CENPK: variants seen among roughly 807,000 people sequenced by gnomAD.
CENPK encodes the protein SoxLZ/Sox6-binding protein Solt.
Under a neutral mutation model 40.9 loss-of-function variants are expected in CENPK, and 46 were observed. The ratio of observed to expected loss-of-function variants is 1.13; its 90% CI spans 0.89 to 1.44. CENPK has a LOEUF of 1.44. CENPK is among the 40% of genes most tolerant of loss of function. The probability of loss-of-function intolerance (pLI) is 0.00; values close to 1 mark genes in which losing one functional copy is unlikely to be tolerated. For synonymous variants in CENPK, 107 were observed against 104.4 expected (o/e 1.02, Z -0.15); for missense variants, 288 against 303.5 (o/e 0.95, Z 0.38).
chr5:65,509,081 C>A, the CENPK span, among the ~76,000 whole-genome samples: 1 of 152,190 alleles, frequency 6.6e-6, no homozygotes, highest in Admixed American at 6.5e-5. Flanking sequence ...CCACTTTAAA[C>A]ATGGGCAAAA....
chr5:65,535,753 GTTC>G (rs1014074214), intron 6 of CENPK, among the ~76,000 whole-genome samples: 2 of 152,162 alleles, frequency 1.3e-5, no homozygotes, highest in Non-Finnish European at 2.9e-5. Context: ...GAGAACAGCA[GTTC>G]TTCTGAGTCC....
intron 2 of CENPK, chr5:65,560,893 C>G (rs527707896): frequency 6.6e-6 from 1 of 152,074 alleles, no homozygotes. Context: ...ATTATGTTTA[C>G]TGGCACATTA....
downstream of CENPK, among the ~76,000 whole-genome samples, chr5:65,513,838 C>T (rs1203611153): frequency 6.6e-6 from 1 of 152,144 alleles, no homozygotes; most frequent in African/African-American, 2.4e-5. Context: ...ATGTTGTTAG[C>T]TGTAGGTTTT....
chr5:65,508,955 A>G, the CENPK span, among the ~76,000 whole-genome samples: 4 of 152,326 alleles, frequency 2.6e-5, no homozygotes, highest in South Asian at 2.1e-4. Context: ...TCAAGATGCC[A>G]TTAAGAAAAT....
intron 10 of CENPK, among the ~76,000 whole-genome samples, chr5:65,519,860 C>T (rs1743396626): frequency 6.6e-6 from 1 of 152,072 alleles, no homozygotes; most frequent in Non-Finnish European, 1.5e-5. Context: ...GTACAAACAG[C>T]TTATTTTAGT....
chr5:65,506,024 T>C, the CENPK span, among the ~76,000 whole-genome samples: 12 of 152,246 alleles, frequency 7.9e-5, no homozygotes, highest in Non-Finnish European at 1.3e-4. Context: ...CAATATGGAA[T>C]CTGTAATTAA....
At chr5:65,549,110 T>G (rs9647527) in intron 5 of CENPK, among the ~76,000 whole-genome samples, 11,283 of 152,254 alleles carry the variant, frequency 0.074, 428 homozygotes, top group East Asian at 0.096. Context: ...GCAGAACAGA[T>G]GTTGCATCAA....
At chr5:65,543,492 T>C (rs1748339506) in intron 5 of CENPK, among the ~76,000 whole-genome samples, 1 of 152,200 alleles carries the variant, frequency 6.6e-6, no homozygotes, top group Non-Finnish European at 1.5e-5. Context: ...ATTTTTATCA[T>C]CATTGGTTTT....
intron 2 of CENPK, among the ~76,000 whole-genome samples, chr5:65,558,403 A>C (rs1427412047): frequency 1.3e-5 from 2 of 152,194 alleles, no homozygotes; most frequent in African/African-American, 4.8e-5. Flanking sequence ...ATCCATTTTA[A>C]TGGGAGGGTC....
the CENPK span, among the ~76,000 whole-genome samples, chr5:65,507,141 G>A: frequency 6.6e-6 from 1 of 152,088 alleles, no homozygotes; most frequent in Non-Finnish European, 1.5e-5. Flanking sequence ...GCCATGGCAA[G>A]CTCTCCTTAT....
intron 6 of CENPK, among the ~76,000 whole-genome samples, chr5:65,538,062 T>C (rs1747278989): frequency 6.6e-6 from 1 of 152,212 alleles, no homozygotes; most frequent in Non-Finnish European, 1.5e-5. Flanking sequence ...TTTTTGTACT[T>C]CTTTACCAAC....
intron 6 of CENPK, among the ~76,000 whole-genome samples, chr5:65,540,335 A>C (rs1288856554): frequency 6.6e-6 from 1 of 152,226 alleles, no homozygotes; most frequent in Non-Finnish European, 1.5e-5. Flanking sequence ...GCAGGAATGC[A>C]ATTCAGCTCT....
At position 65,529,022 on chromosome 5, in the gene CENPK, C is replaced by T. The variant is rs377588006; in HGVS notation, c.372-5G>A. 24 of 1,599,666 alleles carry T rather than the reference C, an allele frequency of 1.5e-5. No individual in the cohort carries two copies. The highest frequency in any genetic ancestry group is 4.0e-5 in the African/African-American group (3 of 74,464). ...TCATCCAACCACCGTTGTTCCCTTT[C>T]GACATGGAAAAACAATACAAGCAAT... On this transcript the variant is annotated splice_region_variant and splice_polypyrimidine_tract_variant and intron_variant, in intron 7 of 10. Coordinates refer to ENST00000396679, the MANE Select transcript of CENPK (RefSeq NM_022145.5).
chr5:65,513,254 TCTAA>T (rs539283223), downstream of CENPK, among the ~76,000 whole-genome samples: 56 of 152,338 alleles, frequency 3.7e-4, no homozygotes, highest in Admixed American at 7.2e-4. Flanking sequence ...GTGTCAGTCC[TCTAA>T]CTTTGTTCTT....
chr5:65,548,121 T>C (rs189913264), intron 5 of CENPK, among the ~76,000 whole-genome samples: 20 of 152,228 alleles, frequency 1.3e-4, no homozygotes. Flanking sequence ...CCAAATAGAA[T>C]ATCATATGCA....
rs760425966 is a variant in CENPK, at chr5:65,541,270, C to T, written c.288+1532G>A. Reference sequence around the variant, plus strand: ...GATTTATAGCCAGTCAGAATACAGGCGACAATCCATTACTGGCAACTGGTA... The same window carrying T: ...GATTTATAGCCAGTCAGAATACAGGTGACAATCCATTACTGGCAACTGGTA... On this transcript the variant is annotated intron_variant, in intron 6 of 10. Transcript: ENST00000396679. 23 of 420,694 alleles carry T rather than the reference C, an allele frequency of 5.5e-5. No homozygotes were observed. The East Asian group carries it at 1.3e-3, about 24-fold the overall frequency. 26.1% of individuals were successfully genotyped at this position (420,694 alleles called of 1,614,324 possible). A position where few individuals can be genotyped will look rare whatever the true frequency, so the allele number is the denominator to read the frequency against.
At chr5:65,514,421 C>T (rs7725593), downstream of CENPK, among the ~76,000 whole-genome samples, 21 of 151,560 alleles carry the variant, frequency 1.4e-4, no homozygotes, top group African/African-American at 4.9e-4. Context: ...CGTGCCACCA[C>T]GCCTGGCTAA....
chr5:65,548,653 T>C (rs1327991054), intron 5 of CENPK, among the ~76,000 whole-genome samples: 1 of 152,156 alleles, frequency 6.6e-6, no homozygotes, highest in Non-Finnish European at 1.5e-5. Context: ...ATATTCTAAA[T>C]CTTTTGTTGT....
At chr5:65,536,655 G>GA (rs1746956801) in intron 6 of CENPK, among the ~76,000 whole-genome samples, 1 of 151,526 alleles carries the variant, frequency 6.6e-6, no homozygotes. Context: ...TAGGGATTGG[G>GA]GGGGAGAATA....
Sources: allele counts gnomAD v4.1 joint callset (sites outside exome capture counted in the v4.1 genomes callset), GRCh38; gene constraint gnomAD v4.1.1; transcripts MANE v1.5; gene names NCBI Gene and HGNC (gene_info 2026-07-23, HGNC 2026-07-21).